Variants in HSF5 observed in about 807,000 individuals in gnomAD.
The protein encoded by HSF5 is heat shock transcription factor 5.
A neutral mutation model predicts 50.8 loss-of-function variants in HSF5; 5 were observed. The observed-to-expected ratio is 0.10, with a 90% CI of 0.05 to 0.21. The LOEUF is 0.21. HSF5 is among the 10% of genes least tolerant of loss of function. The pLI is 1.00. For missense variants in HSF5, 564 were observed against 762.6 expected (o/e 0.74, Z 3.07); for synonymous variants, 307 against 307.4 (o/e 1.00, Z 0.02).
At chr17:58,456,154 T>C (rs1598191494) in intron 5 of HSF5, among the ~76,000 whole-genome samples, 2 of 117,968 alleles carry the variant, frequency 1.7e-5, no homozygotes, top group South Asian at 2.8e-4. Context: ...TATATATATG[T>C]GTGTGTGTAT....
chr17:58,435,364 C>T (rs1386940258), intron 5 of HSF5, among the ~76,000 whole-genome samples: 2 of 151,624 alleles, frequency 1.3e-5, no homozygotes, highest in African/African-American at 4.9e-5. Flanking sequence ...ACCTGGCCAA[C>T]ATGGCAAGAC....
rs1974221791 is a variant in HSF5, at chr17:58,420,862, GA to G, written c.*1497del. 6.6e-6 allele frequency: 1 copy of G among 152,486 alleles called. No individual in the cohort carries two copies. Among genetic ancestry groups the G allele is most frequent in the Admixed American group, 6.5e-5 (1 of 15,298 alleles). The allele number at this position is 152,486 out of a possible 1,614,324, so 9.4% of individuals were successfully genotyped here. ...TCAATACAGAGCTCACCCTTTTCCA[GA>G]AAAGTAGATCTCTGTAATATTTCTA... On this transcript the variant is annotated 3_prime_UTR_variant, in exon 6 of 6. Coordinates refer to ENST00000323777, the MANE Select transcript of HSF5 (RefSeq NM_001080439.3).
chr17:58,450,108 G>A lies in HSF5; in HGVS notation c.1720+8660C>T, dbSNP rs1974615925. On this transcript the variant is annotated intron_variant, in intron 5 of 5. Transcript: ENST00000323777. ...CCTAGCACTGTGGGAGGCCAAGGCA[G>A]GCAGATCACTTGAGGTCAGGAGTTT... 5.3e-5 allele frequency among the ~76,000 whole-genome samples: 8 copies of A among 151,304 alleles called. No homozygotes were observed. In the South Asian group the frequency reaches 1.7e-3, roughly 32 times the overall value.
In HSF5 at chr17:58,467,687, T is replaced by C. The variant is rs551024484; in HGVS notation, c.926-708A>G. On this transcript the variant is annotated intron_variant, in intron 2 of 5. Coordinates refer to ENST00000323777, the MANE Select transcript of HSF5 (RefSeq NM_001080439.3). ...AATGAGCTAATATCCATAAAGAACT[T>C]AGAAGAGTACTGGTACACAGTAAGC... Among the ~76,000 whole-genome samples, 817 of 152,366 alleles carry C rather than the reference T, an allele frequency of 5.4e-3. 9 individuals are homozygous for C. The highest frequency in any genetic ancestry group is 0.018 in the African/African-American group (754 of 41,586).
rs144906580 is a variant in HSF5 at position 58,467,887 on chromosome 17, G to A, written c.926-908C>T. ...TTTTTGTAGAGACTCTCCAGTATAA[G>A]TGAGAATCAGTTATTAATATCACAA... On this transcript the variant is annotated intron_variant, in intron 2 of 5. Coordinates refer to ENST00000323777, the MANE Select transcript of HSF5 (RefSeq NM_001080439.3). Among the ~76,000 whole-genome samples the A allele has an allele frequency of 3.7e-4, 56 of 152,310 alleles. 2 individuals carry two copies. The Middle Eastern group carries it at 0.017, about 46-fold the overall frequency.
At chr17:58,456,199 G>T (rs117067137) in intron 5 of HSF5, among the ~76,000 whole-genome samples, 1 of 146,598 alleles carries the variant, frequency 6.8e-6, no homozygotes, top group African/African-American at 2.6e-5. Flanking sequence ...ACACACGTAC[G>T]TACATAAATA....
At chr17:58,437,710 G>T (rs967465075) in intron 5 of HSF5, among the ~76,000 whole-genome samples, 2 of 152,110 alleles carry the variant, frequency 1.3e-5, no homozygotes, top group African/African-American at 2.4e-5. Flanking sequence ...AACACATTAT[G>T]AACACTTACT....
At chr17:58,431,536 G>A (rs1233150641) in intron 5 of HSF5, among the ~76,000 whole-genome samples, 1 of 152,124 alleles carries the variant, frequency 6.6e-6, no homozygotes, top group East Asian at 1.9e-4. Flanking sequence ...TTGACTGAAT[G>A]TCATTATGCC....
intron 5 of HSF5, among the ~76,000 whole-genome samples, chr17:58,438,764 G>C (rs1049786326): frequency 1.2e-4 from 18 of 152,028 alleles, no homozygotes; most frequent in African/African-American, 4.3e-4. Context: ...ATTGACTAGA[G>C]TTCAGTAACT....
chr17:58,428,865 T>C (rs1974329917), intron 5 of HSF5, among the ~76,000 whole-genome samples: 1 of 152,300 alleles, frequency 6.6e-6, no homozygotes, highest in East Asian at 1.9e-4. Context: ...GGAATTACCA[T>C]ATGACCCGGC....
At chr17:58,467,585 T>A (rs777548634) in intron 2 of HSF5, among the ~76,000 whole-genome samples, 2 of 152,254 alleles carry the variant, frequency 1.3e-5, no homozygotes, top group Non-Finnish European at 2.9e-5. Flanking sequence ...TCTGTGTACC[T>A]CAGTTTCTGC....
chr17:58,447,184 C>G (rs1974572818), intron 5 of HSF5, among the ~76,000 whole-genome samples: 1 of 152,156 alleles, frequency 6.6e-6, no homozygotes, highest in Non-Finnish European at 1.5e-5. Flanking sequence ...ACCAGCCCCA[C>G]CACATTAAAA....
intron 4 of HSF5, among the ~76,000 whole-genome samples, chr17:58,459,998 A>T (rs1034906222): frequency 2.6e-5 from 4 of 151,988 alleles, no homozygotes; most frequent in Middle Eastern, 6.8e-3. Context: ...TATAAAATCT[A>T]TATCTGCCCT....
intron 5 of HSF5, among the ~76,000 whole-genome samples, chr17:58,441,221 T>C (rs1246700607): frequency 4.6e-5 from 7 of 152,044 alleles, no homozygotes; most frequent in African/African-American, 1.7e-4. Flanking sequence ...ACCTCAAATA[T>C]CTGGAAATAA....
At chr17:58,449,199 A>G (rs1226150683) in intron 5 of HSF5, among the ~76,000 whole-genome samples, 1 of 152,236 alleles carries the variant, frequency 6.6e-6, no homozygotes, top group Non-Finnish European at 1.5e-5. Context: ...ACTTACCCAC[A>G]AAGGAAAGCA....
intron 5 of HSF5, among the ~76,000 whole-genome samples, chr17:58,429,240 G>A (rs1974333970): frequency 6.6e-6 from 1 of 152,202 alleles, no homozygotes; most frequent in Non-Finnish European, 1.5e-5. Flanking sequence ...CCAGGGGCTG[G>A]GGAAAGGTGG....
chr17:58,465,374 C>T (rs1366983586), intron 3 of HSF5, among the ~76,000 whole-genome samples: 1 of 151,838 alleles, frequency 6.6e-6, no homozygotes, highest in African/African-American at 2.4e-5. Flanking sequence ...TTTTATTTAG[C>T]ACACAACATA....
chr17:58,476,818 T>A, intron 2 of HSF5: 1 of 1,562,806 alleles, frequency 6.4e-7, no homozygotes, highest in Non-Finnish European at 8.8e-7. Context: ...GTTCATTAAG[T>A]CTGTCTATTT....
chr17:58,456,477 T>C (rs1478482356), intron 5 of HSF5, among the ~76,000 whole-genome samples: 3 of 152,132 alleles, frequency 2.0e-5, no homozygotes, highest in South Asian at 4.1e-4. Flanking sequence ...GAATAAGCTT[T>C]GGTATTCTAT....
Sources: allele counts gnomAD v4.1 joint callset (sites outside exome capture counted in the v4.1 genomes callset), GRCh38; gene constraint gnomAD v4.1.1; transcripts MANE v1.5; gene names NCBI Gene and HGNC (gene_info 2026-07-23, HGNC 2026-07-21).